The following DSCAML1 variants were observed in gnomAD, a reference collection of about 807,000 sequenced individuals.
DSCAML1 encodes cell adhesion molecule DSCAML1.
In DSCAML1, 38 loss-of-function variants were observed where a neutral mutation model predicts 200.5. The ratio of observed to expected loss-of-function variants is 0.19; its 90% CI spans 0.15 to 0.25. DSCAML1 has a LOEUF of 0.25. DSCAML1 is among the 10% of genes least tolerant of loss of function. DSCAML1 has a pLI of 1.00. For missense variants in DSCAML1, 2,223 were observed against 2,858.8 expected (o/e 0.78, Z 5.07); for synonymous variants, 1,215 against 1,165.0 (o/e 1.04, Z -0.87).
At chr11:117,609,966 C>T (rs1275798216) in intron 3 of DSCAML1, among the ~76,000 whole-genome samples, 1 of 152,112 alleles carries the variant, frequency 6.6e-6, no homozygotes, top group Non-Finnish European at 1.5e-5. Flanking sequence ...TCCTCAGAAC[C>T]TACACTGATG....
At chr11:117,809,842 C>A (rs912725484) in intron 1 of DSCAML1, among the ~76,000 whole-genome samples, 1 of 151,994 alleles carries the variant, frequency 6.6e-6, no homozygotes, top group Non-Finnish European at 1.5e-5. Context: ...CTCACACAGT[C>A]ACATACACAC....
intron 3 of DSCAML1, among the ~76,000 whole-genome samples, chr11:117,766,309 C>T (rs1190405149): frequency 6.6e-6 from 1 of 152,198 alleles, no homozygotes; most frequent in East Asian, 1.9e-4. Context: ...TGAATAAATG[C>T]TACCCTACAT....
intron 3 of DSCAML1, among the ~76,000 whole-genome samples, chr11:117,582,040 G>A (rs2051048509): frequency 1.3e-5 from 2 of 152,190 alleles, no homozygotes; most frequent in African/African-American, 4.8e-5. Context: ...ATCATCGGAT[G>A]CGCATTCTCT....
At chr11:117,591,730 T>G (rs548336750) in intron 3 of DSCAML1, among the ~76,000 whole-genome samples, 8 of 152,306 alleles carry the variant, frequency 5.3e-5, no homozygotes, top group African/African-American at 1.9e-4. Context: ...TTTCCCATGC[T>G]TCTGTCACAG....
chr11:117,614,440 C>T (rs2051767438), intron 3 of DSCAML1, among the ~76,000 whole-genome samples: 1 of 152,164 alleles, frequency 6.6e-6, no homozygotes. Context: ...TTTTTAAGAG[C>T]TCCCAGGTGG....
At chr11:117,596,730 AATCTAGTCTTTGTGAACAAAT>A (rs1276537991) in intron 3 of DSCAML1, among the ~76,000 whole-genome samples, 1 of 152,222 alleles carries the variant, frequency 6.6e-6, no homozygotes, top group African/African-American at 2.4e-5. Context: ...TTTGTTCAAA[AATCTAGTCTTTGTGAACAAAT>A]ATCAGTCAAG....
intron 32 of DSCAML1, 150 bp downstream of exon 32, chr11:117,430,572 G>T: frequency 1.2e-6 from 1 of 861,452 alleles, no homozygotes; most frequent in Non-Finnish European, 1.7e-6. Context: ...CTGCTCCTAA[G>T]TCCTTGCTGT....
intron 4 of DSCAML1, among the ~76,000 whole-genome samples, chr11:117,531,969 AC>A (rs2050087989): frequency 6.7e-6 from 1 of 148,228 alleles, no homozygotes. Flanking sequence ...GGAGGGAGGG[AC>A]GAAATAAAGA....
intron 3 of DSCAML1, among the ~76,000 whole-genome samples, chr11:117,742,614 C>T (rs568270432): frequency 2.7e-4 from 41 of 152,340 alleles, no homozygotes; most frequent in African/African-American, 7.9e-4. Context: ...GGGAGTCAAG[C>T]TGGGGACTTG....
chr11:117,494,067 A>G (rs569183414), intron 11 of DSCAML1, among the ~76,000 whole-genome samples: 3 of 152,204 alleles, frequency 2.0e-5, no homozygotes, highest in Non-Finnish European at 4.4e-5. Flanking sequence ...CTCCAAACAC[A>G]GCCCTAAGAT....
At chr11:117,500,160 T>C (rs1032423405) in intron 11 of DSCAML1, among the ~76,000 whole-genome samples, 1 of 152,162 alleles carries the variant, frequency 6.6e-6, no homozygotes, top group African/African-American at 2.4e-5. Context: ...TCCAAATACT[T>C]CTCATCCTTC....
At position 117,669,260 on chromosome 11, in the gene DSCAML1, G is replaced by C. The variant is rs527708859; in HGVS notation, c.511+107531C>G. Among the ~76,000 whole-genome samples, 242 of 152,312 alleles carry C rather than the reference G, an allele frequency of 1.6e-3. 1 individual carries two copies. The highest frequency in any genetic ancestry group is 5.5e-3 in the African/African-American group (230 of 41,564). ...CTCCATTGAAGGGCAGCTTCAATGG[G>C]CCTGGCAGCACTGGCACAGGCAGGC... On this transcript the variant is annotated intron_variant, in intron 3 of 32. Transcript: ENST00000651296.
At chr11:117,715,565 C>T (rs555762417) in intron 3 of DSCAML1, among the ~76,000 whole-genome samples, 1 of 152,324 alleles carries the variant, frequency 6.6e-6, no homozygotes, top group East Asian at 1.9e-4. Flanking sequence ...ATGGAATTTA[C>T]AGTCTGGTGA....
chr11:117,723,481 G>T (rs1013777240), intron 3 of DSCAML1, among the ~76,000 whole-genome samples: 5 of 152,134 alleles, frequency 3.3e-5, no homozygotes, highest in African/African-American at 1.2e-4. Flanking sequence ...CCTATATCCA[G>T]AACATTATTT....
At chr11:117,694,290 C>T (rs1444385249) in intron 3 of DSCAML1, among the ~76,000 whole-genome samples, 1 of 151,522 alleles carries the variant, frequency 6.6e-6, no homozygotes, top group Non-Finnish European at 1.5e-5. Context: ...GTAATCCCAG[C>T]TACTTGGGAG....
intron 3 of DSCAML1, among the ~76,000 whole-genome samples, chr11:117,631,116 C>T (rs573433268): frequency 6.6e-6 from 1 of 152,256 alleles, no homozygotes; most frequent in East Asian, 1.9e-4. Context: ...AGAAAGTCAC[C>T]CTCAGGAAAT....
chr11:117,520,158 G>C (rs552081808), intron 6 of DSCAML1, among the ~76,000 whole-genome samples: 4 of 152,338 alleles, frequency 2.6e-5, no homozygotes, highest in African/African-American at 9.6e-5. Flanking sequence ...TGCCTCCTCT[G>C]TGTGGGCACA....
intron 3 of DSCAML1, among the ~76,000 whole-genome samples, chr11:117,741,594 ATG>A (rs890306057): frequency 6.6e-6 from 1 of 152,240 alleles, no homozygotes. Context: ...AGGCTCAAAG[ATG>A]TGTGGGAACT....
intron 11 of DSCAML1, among the ~76,000 whole-genome samples, chr11:117,486,361 G>A (rs2049059086): frequency 6.7e-6 from 1 of 149,784 alleles, no homozygotes; most frequent in African/African-American, 2.5e-5. Flanking sequence ...TGGCGGATGT[G>A]AAAGTGGCTG....
Sources: gnomAD v4.1 joint callset for allele counts (sites outside exome capture counted in the v4.1 genomes callset) on GRCh38, gnomAD v4.1.1 for gene constraint, MANE v1.5 for transcripts, NCBI Gene and HGNC (gene_info 2026-07-23, HGNC 2026-07-21) for gene names.